The following RBMS1 variants were observed in gnomAD, a reference collection of about 807,000 sequenced individuals.
RBMS1 encodes the protein RNA binding motif single stranded interacting protein 1, also known as RNA-binding motif, single-stranded-interacting protein 1.
RBMS1 carries 17 observed loss-of-function variants against 62.3 expected under a neutral mutation model. That is an observed-to-expected ratio of 0.27 (90% CI 0.19 to 0.41). The LOEUF (loss-of-function observed/expected upper bound fraction) is 0.41, where lower values mean the gene tolerates loss of function less well. Ranked by LOEUF, RBMS1 falls within the 10% of genes least tolerant of loss-of-function variation. The pLI is 1.00. For synonymous variants in RBMS1, 172 were observed against 170.0 expected (o/e 1.01, Z -0.09); for missense variants, 334 against 504.5 (o/e 0.66, Z 3.24).
At chr2:160,458,536 C>G (rs1291993419) in intron 1 of RBMS1, among the ~76,000 whole-genome samples, 1 of 152,168 alleles carries the variant, frequency 6.6e-6, no homozygotes, top group Non-Finnish European at 1.5e-5. Context: ...GTGGCTCACA[C>G]CTGTAATCCC....
intron 1 of RBMS1, among the ~76,000 whole-genome samples, chr2:160,392,628 G>A (rs1397019041): frequency 6.6e-6 from 1 of 152,128 alleles, no homozygotes; most frequent in African/African-American, 2.4e-5. Context: ...ATAAAAAGAG[G>A]AAGGGCATTC....
chr2:160,287,728 G>A (rs1020732), intron 6 of RBMS1, among the ~76,000 whole-genome samples: 88,738 of 152,012 alleles, frequency 0.58, 26,300 homozygotes, highest in Middle Eastern at 0.69. Flanking sequence ...GGTTGCATCA[G>A]TGAATGAATA....
chr2:160,412,720 C>T (rs538280178), intron 1 of RBMS1, among the ~76,000 whole-genome samples: 2 of 152,178 alleles, frequency 1.3e-5, no homozygotes, highest in African/African-American at 2.4e-5. Flanking sequence ...ATAACATGGG[C>T]GTGGGAAGCT....
chr2:160,373,795 G>C (rs1693855709), intron 1 of RBMS1, among the ~76,000 whole-genome samples: 1 of 152,160 alleles, frequency 6.6e-6, no homozygotes, highest in Non-Finnish European at 1.5e-5. Context: ...TTAAGAGTGG[G>C]TTCCCAGCCT....
chr2:160,475,510 T>A (rs1446133905), intron 1 of RBMS1, among the ~76,000 whole-genome samples: 1 of 152,238 alleles, frequency 6.6e-6, no homozygotes. Flanking sequence ...CCCTTTGCTC[T>A]TTCAGACTTT....
chr2:160,324,935 CACAT>C (rs1204347496), intron 2 of RBMS1, among the ~76,000 whole-genome samples: 2 of 145,154 alleles, frequency 1.4e-5, no homozygotes, highest in South Asian at 4.3e-4. Context: ...CACACACACA[CACAT>C]ATATATGCGC....
At chr2:160,318,489 C>T (rs1205802179) in intron 2 of RBMS1, among the ~76,000 whole-genome samples, 2 of 152,146 alleles carry the variant, frequency 1.3e-5, no homozygotes, top group African/African-American at 4.8e-5. Flanking sequence ...AAGTACTTAC[C>T]TGACAATCTT....
intron 1 of RBMS1, among the ~76,000 whole-genome samples, chr2:160,462,055 C>T (rs886821316): frequency 6.6e-6 from 1 of 151,494 alleles, no homozygotes; most frequent in Non-Finnish European, 1.5e-5. Flanking sequence ...AGAGTTATTA[C>T]TATTGTTTTC....
At chr2:160,449,326 G>A (rs1463473741) in intron 1 of RBMS1, among the ~76,000 whole-genome samples, 1 of 152,266 alleles carries the variant, frequency 6.6e-6, no homozygotes, top group Non-Finnish European at 1.5e-5. Context: ...TCTGGGAGGT[G>A]TACCCAACAG....
chr2:160,357,606 C>G (rs1692872887), intron 2 of RBMS1, among the ~76,000 whole-genome samples: 1 of 152,090 alleles, frequency 6.6e-6, no homozygotes, highest in Non-Finnish European at 1.5e-5. Context: ...TGCAGTTATG[C>G]TTAATACTGC....
intron 1 of RBMS1, among the ~76,000 whole-genome samples, chr2:160,440,726 A>G (rs1194412728): frequency 1.3e-5 from 2 of 152,188 alleles, no homozygotes; most frequent in African/African-American, 4.8e-5. Flanking sequence ...AGGGATTCTT[A>G]TAGCACAGAC....
intron 1 of RBMS1, among the ~76,000 whole-genome samples, chr2:160,444,014 C>T (rs1683535284): frequency 6.6e-6 from 1 of 152,054 alleles, no homozygotes; most frequent in South Asian, 2.1e-4. Flanking sequence ...ATATCTTTGA[C>T]CCCAAACTCT....
chr2:160,440,940 T>A (rs919685043), intron 1 of RBMS1, among the ~76,000 whole-genome samples: 1 of 152,230 alleles, frequency 6.6e-6, no homozygotes, highest in African/African-American at 2.4e-5. Context: ...GTTCAGTTCA[T>A]GAGTTTTGAC....
chr2:160,337,660 T>TG (rs1294319464), intron 2 of RBMS1, among the ~76,000 whole-genome samples: 1 of 151,668 alleles, frequency 6.6e-6, no homozygotes. Context: ...AGAAAAAAAC[T>TG]GGGGGGGAGG....
rs1553505365 is a variant in RBMS1 at position 160,311,209 on chromosome 2, A to AAATCTATCTATCT, written c.402+1946_402+1947insAGATAGATAGATT. On this transcript the variant is annotated intron_variant, in intron 4 of 13. Transcript: ENST00000348849. Reference sequence around the variant, plus strand: ...GACCCTGTCTCCAAAAAAAAAAAAAAATCTATCTATCTATCTATCTATCTA... The same window carrying AAATCTATCTATCT: ...GACCCTGTCTCCAAAAAAAAAAAAAAAATCTATCTATCTATCTATCTATCTATCTATCTATCTA... 6.9e-5 allele frequency among the ~76,000 whole-genome samples: 4 copies of AAATCTATCTATCT among 57,730 alleles called. No homozygotes were observed. The South Asian group carries it at 2.3e-3, about 33-fold the overall frequency. 37.9% of individuals were successfully genotyped at this position (57,730 alleles called of 152,430 possible).
chr2:160,457,291 C>G (rs2105327551), intron 1 of RBMS1, among the ~76,000 whole-genome samples: 1 of 152,168 alleles, frequency 6.6e-6, no homozygotes. Flanking sequence ...CCACCACGCC[C>G]AGCTAATTTT....
In RBMS1 at chr2:160,493,272, C is replaced by A. The variant is rs750915460; in HGVS notation, c.75+17G>T. On this transcript the variant is annotated intron_variant, in intron 1 of 13. Transcript: ENST00000348849. ...GCCCCCTCCTCCGGCCGTCACCTCT[C>A]CCCGGCGCCCCTTTACCTTGGCTTG... 2.5e-6 allele frequency: 4 copies of A among 1,611,766 alleles called. No individual in the cohort carries two copies. In the South Asian group the frequency reaches 4.4e-5, roughly 18 times the overall value.
At chr2:160,354,485 A>C (rs1692687363) in intron 2 of RBMS1, among the ~76,000 whole-genome samples, 1 of 152,094 alleles carries the variant, frequency 6.6e-6, no homozygotes, top group Admixed American at 6.6e-5. Context: ...CCTGGCTTTG[A>C]AGGTGAAGAT....
At chr2:160,457,602 T>C (rs551545293) in intron 1 of RBMS1, among the ~76,000 whole-genome samples, 210 of 152,386 alleles carry the variant, frequency 1.4e-3, no homozygotes, top group African/African-American at 4.6e-3. Context: ...ATTTGCTTTA[T>C]GTATTTGCTG....
Sources: allele counts gnomAD v4.1 joint callset (sites outside exome capture counted in the v4.1 genomes callset), GRCh38; gene constraint gnomAD v4.1.1; transcripts MANE v1.5; gene names NCBI Gene and HGNC (gene_info 2026-07-23, HGNC 2026-07-21).